The following NRDE2 variants were observed in gnomAD, a reference collection of about 807,000 sequenced individuals.
NRDE2 encodes the protein nuclear exosome regulator NRDE2.
In NRDE2, 76 loss-of-function variants were observed where a neutral mutation model predicts 124.2. The observed-to-expected ratio is 0.61, with a 90% CI of 0.51 to 0.74. The LOEUF (loss-of-function observed/expected upper bound fraction) is 0.74, where lower values mean the gene tolerates loss of function less well. NRDE2 is among the 30% of genes least tolerant of loss of function. The pLI is 0.00. For missense variants in NRDE2, 1,314 were observed against 1,417.3 expected (o/e 0.93, Z 1.17); for synonymous variants, 489 against 528.1 (o/e 0.93, Z 1.01).
At chr14:90,313,064 G>A (rs945721516) in intron 3 of NRDE2, among the ~76,000 whole-genome samples, 10 of 150,048 alleles carry the variant, frequency 6.7e-5, no homozygotes, top group African/African-American at 2.5e-4. Flanking sequence ...TCTCTAAAAA[G>A]CCATGGTTCT....
chr14:90,279,252 G>C (rs1891888636), intron 12 of NRDE2, 119 bp from the exon 13 acceptor site: 1 of 763,288 alleles, frequency 1.3e-6, no homozygotes, highest in Non-Finnish European at 2.3e-6. Flanking sequence ...CCTGTGCAGA[G>C]GGCCTGGCAC....
chr14:90,300,605 G>A (rs1884358117), intron 7 of NRDE2, among the ~76,000 whole-genome samples: 1 of 150,696 alleles, frequency 6.6e-6, no homozygotes, highest in Non-Finnish European at 1.5e-5. Context: ...CTCAAACATT[G>A]GCAATGCTCG....
At chr14:90,328,430 T>C (rs970966828) in intron 1 of NRDE2, among the ~76,000 whole-genome samples, 55 of 152,206 alleles carry the variant, frequency 3.6e-4, no homozygotes, top group African/African-American at 1.3e-3. Flanking sequence ...AGGAATGATA[T>C]AATTAGAAAA....
rs143801192 is a variant in NRDE2 at position 90,272,451 on chromosome 14, A to G, written c.*5885T>C. On this transcript the variant is annotated 3_prime_UTR_variant, in exon 14 of 14. Transcript: ENST00000354366. The surrounding 1 kb of genome is among the most constrained non-coding windows in gnomAD (Gnocchi z 4.5). Reference sequence around the variant, plus strand: ...AGGAAAATGGTTGGGAGATTTCTCAATCCCTGAAAGGGATGAGGTTGGGGG... The same window carrying G: ...AGGAAAATGGTTGGGAGATTTCTCAGTCCCTGAAAGGGATGAGGTTGGGGG... The G allele has an allele frequency of 2.7e-6, 4 of 1,495,052 alleles. No homozygotes were observed. The highest frequency in any genetic ancestry group is 3.6e-6 in the Non-Finnish European group (4 of 1,107,960). 92.6% of individuals were successfully genotyped at this position (1,495,052 alleles called of 1,614,324 possible).
chr14:90,268,510 C>A lies in NRDE2; in HGVS notation c.*9826G>T. 1 of 1,241,904 alleles carries A rather than the reference C, an allele frequency of 8.1e-7. No homozygotes were observed. Among genetic ancestry groups the A allele is most frequent in the Non-Finnish European group, 1.2e-6 (1 of 869,504 alleles). 76.9% of individuals were successfully genotyped at this position (1,241,904 alleles called of 1,614,324 possible). ...AATCTCAGGGGGCTCTCCCTATGGC[C>A]ACAGTTCTTGCTGTGCGTGGCCTTC... On this transcript the variant is annotated 3_prime_UTR_variant, in exon 14 of 14. Coordinates refer to ENST00000354366, the MANE Select transcript of NRDE2 (RefSeq NM_017970.4).
In NRDE2 at chr14:90,278,340, T is replaced by G; in HGVS notation, c.3491A>C (p.Asp1164Ala). Reference sequence around the variant, plus strand: ...AGCCCGTTTTCCCGCTGCTCTCTAATCCTCCAGCAGCAGCTCCAGCTCCTC... The same window carrying G: ...AGCCCGTTTTCCCGCTGCTCTCTAAGCCTCCAGCAGCAGCTCCAGCTCCTC... ...PLEELELLLE[D>A] The change falls in exon 14 of 14, where the codon GAT becomes GCT. Residue 1164 changes from aspartate (D) to alanine (A), a missense_variant. Asp to Ala is a moderately radical substitution (Grantham distance 126, BLOSUM62 -2). Transcript: ENST00000354366. The G allele has an allele frequency of 6.2e-7, 1 of 1,614,024 alleles. No individual in the cohort carries two copies. The highest frequency in any genetic ancestry group is 8.5e-7 in the Non-Finnish European group (1 of 1,179,960).
chr14:90,278,360 C>T lies in NRDE2; in HGVS notation c.3471G>A (p.Glu1157=), dbSNP rs145626141. 456 of 1,614,174 alleles carry T rather than the reference C, an allele frequency of 2.8e-4. 1 individual carries two copies. In the African/African-American group the frequency reaches 5.6e-3, roughly 20 times the overall value. The change falls in exon 14 of 14, where the codon GAG becomes GAA. Residue 1157 remains glutamate, a synonymous_variant. Coordinates refer to ENST00000354366, the MANE Select transcript of NRDE2 (RefSeq NM_017970.4). ...TCTAATCCTCCAGCAGCAGCTCCAGCTCCTCCAGCGGCAGGCGCACCCGGA... is the reference window on the plus strand; with the variant it reads ...TCTAATCCTCCAGCAGCAGCTCCAGTTCCTCCAGCGGCAGGCGCACCCGGA... ...KELRVRLPLE[E]LELLLED is the part of the protein sequence containing the mutation.
At chr14:90,284,021 A>G (rs549070809) in intron 12 of NRDE2, among the ~76,000 whole-genome samples, 1 of 152,006 alleles carries the variant, frequency 6.6e-6, no homozygotes, top group East Asian at 1.9e-4. Flanking sequence ...TTGGTAATTC[A>G]TTTTTGATGC....
Position 90,271,726 on chromosome 14 carries a change from C to G in NRDE2, c.*6610G>C, listed in dbSNP as rs575747810. 1.3e-5 allele frequency: 2 copies of G among 152,282 alleles called. No individual in the cohort carries two copies. The highest frequency in any genetic ancestry group is 3.9e-4 in the East Asian group (2 of 5,184). 9.4% of individuals were successfully genotyped at this position (152,282 alleles called of 1,614,324 possible). A position where few individuals can be genotyped will look rare whatever the true frequency, so the allele number is the denominator to read the frequency against. Reference sequence around the variant, plus strand: ...GAACCTGAGCCAAAACTAGAACCCACAGCCCTGACCCTTGGGTCAGTCTTA... The same window carrying G: ...GAACCTGAGCCAAAACTAGAACCCAGAGCCCTGACCCTTGGGTCAGTCTTA... On this transcript the variant is annotated 3_prime_UTR_variant, in exon 14 of 14. Transcript: ENST00000354366.
intron 5 of NRDE2, 150 bp downstream of exon 5, chr14:90,303,785 C>A (rs141473431): frequency 1.5e-6 from 1 of 686,674 alleles, no homozygotes; most frequent in African/African-American, 1.8e-5. Flanking sequence ...GGACTTTGAG[C>A]GAGCTCAGGG....
rs895469652 is a variant in NRDE2, at chr14:90,270,153, T to C, written c.*8183A>G. 2 of 1,599,110 alleles carry C rather than the reference T, an allele frequency of 1.3e-6. No individual in the cohort carries two copies. Among genetic ancestry groups the C allele is most frequent in the African/African-American group, 2.7e-5 (2 of 74,732 alleles). On this transcript the variant is annotated 3_prime_UTR_variant, in exon 14 of 14. Coordinates refer to ENST00000354366, the MANE Select transcript of NRDE2 (RefSeq NM_017970.4). ...GAGGCCTCTGAGCCATGGCCGAGCCTGGGTTTGGATGTTGGTGTGACTTCA... is the reference window on the plus strand; with the variant it reads ...GAGGCCTCTGAGCCATGGCCGAGCCCGGGTTTGGATGTTGGTGTGACTTCA...
chr14:90,289,561 A>G (rs1892212001), intron 10 of NRDE2, among the ~76,000 whole-genome samples: 1 of 152,182 alleles, frequency 6.6e-6, no homozygotes, highest in Non-Finnish European at 1.5e-5. Flanking sequence ...TCTAGCAGAA[A>G]CAGGAGGGTA....
rs1891854573 is a variant in NRDE2 at position 90,278,336 on chromosome 14, C to A, written c.3495G>T (p.Ter1165TyrextTer35). The stretch of plus-strand genomic sequence containing the variant: ...GCACAGCCCGTTTTCCCGCTGCTCT[C>A]TAATCCTCCAGCAGCAGCTCCAGCT... ...LEELELLLED[*>Y] is the part of the protein sequence containing the mutation. The change falls in exon 14 of 14, where the codon TAG (stop) becomes TAT (tyrosine). Residue 1165 changes from the stop codon to tyrosine (Y), a stop_lost. Coordinates refer to ENST00000354366, the MANE Select transcript of NRDE2 (RefSeq NM_017970.4). The A allele has an allele frequency of 6.2e-7, 1 of 1,614,030 alleles. No homozygotes were observed. Among genetic ancestry groups the A allele is most frequent in the Admixed American group, 1.7e-5 (1 of 60,012 alleles).
intron 3 of NRDE2, among the ~76,000 whole-genome samples, chr14:90,313,687 CAAG>C (rs1371229492): frequency 6.6e-6 from 1 of 152,146 alleles, no homozygotes; most frequent in Admixed American, 6.6e-5. Flanking sequence ...GCTGCTGACA[CAAG>C]AAGGTGACAA....
chr14:90,268,698 T>G lies in NRDE2; in HGVS notation c.*9638A>C. Reference sequence around the variant, plus strand: ...GGACACAGTTGTGAGCACAAGTCTCTGCCCTGGAGGAGCTCACAGGTTGTA... The same window carrying G: ...GGACACAGTTGTGAGCACAAGTCTCGGCCCTGGAGGAGCTCACAGGTTGTA... On this transcript the variant is annotated 3_prime_UTR_variant, in exon 14 of 14. Transcript: ENST00000354366. The G allele has an allele frequency of 3.2e-6, 1 of 313,064 alleles. No homozygotes were observed. 19.4% of individuals were successfully genotyped at this position (313,064 alleles called of 1,614,324 possible). A position where few individuals can be genotyped will look rare whatever the true frequency, so the allele number is the denominator to read the frequency against.
intron 9 of NRDE2, among the ~76,000 whole-genome samples, chr14:90,291,929 G>A (rs1439050543): frequency 6.6e-6 from 1 of 152,238 alleles, no homozygotes; most frequent in East Asian, 1.9e-4. Context: ...CAACAAAAGG[G>A]ATAAACTCCT....
At position 90,270,532 on chromosome 14, in the gene NRDE2, T is replaced by C. The variant is rs1473174926; in HGVS notation, c.*7804A>G. ...TGCTTGATATTGAAGTCATTCTTAA[T>C]GCATCATTTTATGCAGTGAATGACG... On this transcript the variant is annotated 3_prime_UTR_variant, in exon 14 of 14. Transcript: ENST00000354366. 7 of 665,860 alleles carry C rather than the reference T, an allele frequency of 1.1e-5. No individual in the cohort carries two copies. Among genetic ancestry groups the C allele is most frequent in the Admixed American group, 3.4e-5 (1 of 29,418 alleles). 41.2% of individuals were successfully genotyped at this position (665,860 alleles called of 1,614,324 possible). A position where few individuals can be genotyped will look rare whatever the true frequency, so the allele number is the denominator to read the frequency against.
rs138207798 is a variant in NRDE2, at chr14:90,270,108, C to T, written c.*8228G>A. On this transcript the variant is annotated 3_prime_UTR_variant, in exon 14 of 14. Transcript: ENST00000354366. The stretch of plus-strand genomic sequence containing the variant: ...ACAGAATTCTGTCCGACTGAAACTT[C>T]GTATGTAAGGAGATGGGCTGAGGCC... The T allele has an allele frequency of 2.7e-4, 359 of 1,350,228 alleles. 2 individuals carry two copies. The African/African-American group carries it at 4.5e-3, about 17-fold the overall frequency. 83.6% of individuals were successfully genotyped at this position (1,350,228 alleles called of 1,614,324 possible).
intron 11 of NRDE2, among the ~76,000 whole-genome samples, chr14:90,287,164 T>A (rs1892131502): frequency 6.7e-6 from 1 of 148,270 alleles, no homozygotes; most frequent in Admixed American, 6.8e-5. Flanking sequence ...TCACATAGAG[T>A]GAACAAAATC....
Sources: allele counts gnomAD v4.1 joint callset (sites outside exome capture counted in the v4.1 genomes callset), GRCh38; gene constraint gnomAD v4.1.1; non-coding constraint Gnocchi (gnomAD v3.1); transcripts MANE v1.5; gene names NCBI Gene and HGNC (gene_info 2026-07-23, HGNC 2026-07-21).